Variants in C8orf34 observed in about 807,000 individuals in gnomAD.
C8orf34 encodes chromosome 8 open reading frame 34.
In C8orf34, 65 loss-of-function variants were observed where a neutral mutation model predicts 68.3. The observed-to-expected ratio is 0.95, with a 90% CI of 0.78 to 1.17. The LOEUF (loss-of-function observed/expected upper bound fraction) is 1.17. C8orf34 is among the 50% of genes most tolerant of loss of function. The probability of loss-of-function intolerance (pLI) is 0.00; values close to 1 mark genes in which losing one functional copy is unlikely to be tolerated. For missense variants in C8orf34, 664 were observed against 655.4 expected, an observed-to-expected ratio of 1.01 and a Z score of -0.14; for synonymous variants, 244 against 241.2, an observed-to-expected ratio of 1.01 and a Z score of -0.11.
chr8:68,367,694 A>G (rs1171981363), intron 1 of C8orf34, among the ~76,000 whole-genome samples: 1 of 144,096 alleles, frequency 6.9e-6, no homozygotes, highest in East Asian at 2.0e-4. Flanking sequence ...GTGGGAATTG[A>G]ACAATGAGAT....
At chr8:68,460,885 C>T (rs935319258) in intron 3 of C8orf34, among the ~76,000 whole-genome samples, 2 of 152,178 alleles carry the variant, frequency 1.3e-5, no homozygotes, top group African/African-American at 2.4e-5. Context: ...AAGCAGAGTG[C>T]CTCTCCTCCT....
chr8:68,749,052 C>T (rs1484936713), intron 10 of C8orf34, among the ~76,000 whole-genome samples: 2 of 151,960 alleles, frequency 1.3e-5, no homozygotes, highest in Admixed American at 6.6e-5. Flanking sequence ...GAATACTATG[C>T]AGCCATAAAA....
At chr8:68,339,530 ATTC>A (rs1192641045) in intron 1 of C8orf34, among the ~76,000 whole-genome samples, 2 of 152,004 alleles carry the variant, frequency 1.3e-5, no homozygotes, top group East Asian at 3.8e-4. Flanking sequence ...GAAGAGTTGT[ATTC>A]TTATTTATGC....
At chr8:68,509,872 AG>A (rs1016619026) in intron 5 of C8orf34, among the ~76,000 whole-genome samples, 15 of 152,248 alleles carry the variant, frequency 9.9e-5, no homozygotes, top group Admixed American at 2.0e-4. Flanking sequence ...CCCATGAAGC[AG>A]GGGGCCAAAG....
intron 7 of C8orf34, among the ~76,000 whole-genome samples, chr8:68,574,985 A>G (rs1816860116): frequency 6.6e-6 from 1 of 151,900 alleles, no homozygotes; most frequent in Admixed American, 6.6e-5. Context: ...CTTTTTGTAT[A>G]TGTACAGAAA....
chr8:68,778,030 A>G (rs774533781), intron 11 of C8orf34, among the ~76,000 whole-genome samples: 3 of 152,164 alleles, frequency 2.0e-5, no homozygotes, highest in African/African-American at 4.8e-5. Context: ...ACAGATGACC[A>G]TTCTTTACAA....
At chr8:68,442,447 G>A (rs924792910) in intron 2 of C8orf34, among the ~76,000 whole-genome samples, 1 of 152,084 alleles carries the variant, frequency 6.6e-6, no homozygotes, top group African/African-American at 2.4e-5. Flanking sequence ...TGAGAATTGT[G>A]GTTGTGTTAC....
chr8:68,602,459 G>C (rs1817726909), intron 7 of C8orf34, among the ~76,000 whole-genome samples: 1 of 152,126 alleles, frequency 6.6e-6, no homozygotes, highest in African/African-American at 2.4e-5. Flanking sequence ...AATGAGAGCT[G>C]AGTGAAGGGG....
At chr8:68,486,035 T>C (rs1208155543) in intron 4 of C8orf34, among the ~76,000 whole-genome samples, 1 of 152,204 alleles carries the variant, frequency 6.6e-6, no homozygotes, top group Non-Finnish European at 1.5e-5. Context: ...TAAATTGTAA[T>C]AATGTATTTT....
rs891384619 is a variant in C8orf34 at position 68,746,219 on chromosome 8, C to G, written c.1404+24782C>G. 3.7e-3 allele frequency among the ~76,000 whole-genome samples: 558 copies of G among 151,704 alleles called. 6 individuals carry two copies. Among genetic ancestry groups the G allele is most frequent in the African/African-American group, 0.012 (511 of 41,270 alleles). On this transcript the variant is annotated intron_variant, in intron 10 of 13. Transcript: ENST00000518698. The stretch of plus-strand genomic sequence containing the variant: ...AAACACACAACATACCAGAATCTCT[C>G]GGACACATTCAAAGCAGTGTGTAGA...
chr8:68,655,936 C>T (rs1251249265), intron 8 of C8orf34, among the ~76,000 whole-genome samples: 1 of 152,162 alleles, frequency 6.6e-6, no homozygotes, highest in African/African-American at 2.4e-5. Flanking sequence ...AACTGCTTTT[C>T]AATTCCTTGG....
At chr8:68,419,847 A>T in intron 1 of C8orf34, among the ~76,000 whole-genome samples, 2 of 70,910 alleles carry the variant, frequency 2.8e-5, no homozygotes, top group East Asian at 9.7e-4. Flanking sequence ...GGAAGGGGGG[A>T]GGGATGGCAT....
At chr8:68,417,556 C>T (rs79565853) in intron 1 of C8orf34, among the ~76,000 whole-genome samples, 144 of 151,722 alleles carry the variant, frequency 9.5e-4, no homozygotes, top group Middle Eastern at 3.4e-3. Context: ...TTTATGAAAA[C>T]GAGAGGAGAA....
intron 1 of C8orf34, among the ~76,000 whole-genome samples, chr8:68,353,742 G>T (rs1265702597): frequency 1.3e-5 from 2 of 150,888 alleles, no homozygotes; most frequent in Admixed American, 6.6e-5. Context: ...CATCTGTAAT[G>T]AACATGTACA....
At chr8:68,541,426 G>A (rs921891356) in intron 7 of C8orf34, among the ~76,000 whole-genome samples, 4 of 151,454 alleles carry the variant, frequency 2.6e-5, no homozygotes, top group African/African-American at 9.7e-5. Flanking sequence ...TGATGGCACC[G>A]CTGCACTCCA....
chr8:68,455,673 C>T (rs1198065244), intron 3 of C8orf34, among the ~76,000 whole-genome samples: 1 of 151,906 alleles, frequency 6.6e-6, no homozygotes, highest in Non-Finnish European at 1.5e-5. Context: ...ACATGTAGAT[C>T]AAGTAAAAAA....
intron 7 of C8orf34, among the ~76,000 whole-genome samples, chr8:68,621,417 A>G (rs1399817206): frequency 1.3e-5 from 2 of 152,258 alleles, no homozygotes; most frequent in African/African-American, 4.8e-5. Context: ...CAGCATCAAT[A>G]CAACATAGCT....
chr8:68,566,677 T>G (rs1816599352), intron 7 of C8orf34, among the ~76,000 whole-genome samples: 1 of 151,130 alleles, frequency 6.6e-6, no homozygotes, highest in Non-Finnish European at 1.5e-5. Flanking sequence ...AGGCATTGGC[T>G]TCAGGGAATG....
rs117546181 is a variant in C8orf34, at chr8:68,529,518, T to C, written c.939-3465T>C. ...ACCTGATCTGAACCCTGCAGATTCT[T>C]TATTTATCCCACTCAGTGGGAATGC... On this transcript the variant is annotated intron_variant, in intron 6 of 13. Transcript: ENST00000518698. 3.9e-4 allele frequency among the ~76,000 whole-genome samples: 59 copies of C among 152,360 alleles called. 2 individuals are homozygous for C. In the East Asian group the frequency reaches 0.011, roughly 28 times the overall value.
Sources: allele counts gnomAD v4.1 joint callset (sites outside exome capture counted in the v4.1 genomes callset), GRCh38; gene constraint gnomAD v4.1.1; transcripts MANE v1.5; gene names NCBI Gene and HGNC (gene_info 2026-07-23, HGNC 2026-07-21).